The following PLAA variants were observed in gnomAD, a reference collection of about 807,000 sequenced individuals.
The protein encoded by PLAA is phospholipase A-2-activating protein.
Under a neutral mutation model 84.1 loss-of-function variants are expected in PLAA, and 48 were observed. The ratio of observed to expected loss-of-function variants is 0.57; its 90% CI spans 0.45 to 0.73. The LOEUF (loss-of-function observed/expected upper bound fraction) is 0.73. Ranked by LOEUF, PLAA falls within the 30% of genes least tolerant of loss-of-function variation. The probability of loss-of-function intolerance (pLI) is 0.00; values close to 1 mark genes in which losing one functional copy is unlikely to be tolerated. For synonymous variants in PLAA, 392 were observed against 336.6 expected (o/e 1.16, Z -1.80); for missense variants, 903 against 954.7 (o/e 0.95, Z 0.71).
At chr9:26,927,177 C>A (rs188437588) in intron 4 of PLAA, among the ~76,000 whole-genome samples, 89 of 144,346 alleles carry the variant, frequency 6.2e-4, no homozygotes, top group Non-Finnish European at 2.2e-4. Context: ...CTGGAGTGCA[C>A]TGGCACTACC....
In PLAA at chr9:26,914,014, C is replaced by A; in HGVS notation, c.1487-67G>T. ...AATTATAAAGTTCAAACTGCTCCTT[C>A]GCTTATTTCCAGTATTAAGCACACT... is the stretch of plus-strand genomic sequence containing the variant. On this transcript the variant is annotated intron_variant, in intron 10 of 13. Coordinates refer to ENST00000397292, the MANE Select transcript of PLAA (RefSeq NM_001031689.3). The A allele has an allele frequency of 6.3e-6, 7 of 1,105,680 alleles. No individual in the cohort carries two copies. In the South Asian group the frequency reaches 9.0e-5, roughly 14 times the overall value. 68.5% of individuals were successfully genotyped at this position (1,105,680 alleles called of 1,614,324 possible). A position where few individuals can be genotyped will look rare whatever the true frequency, so the allele number is the denominator to read the frequency against.
At chr9:26,911,568 G>A (rs948819038) in intron 11 of PLAA, among the ~76,000 whole-genome samples, 8 of 152,144 alleles carry the variant, frequency 5.3e-5, no homozygotes, top group East Asian at 1.9e-4. Context: ...GATTACAGGC[G>A]TGAGCCACCA....
chr9:26,915,923 G>A, intron 10 of PLAA: 1 of 985,396 alleles, frequency 1.0e-6, no homozygotes, highest in African/African-American at 1.7e-5. Flanking sequence ...CTGAACTGCT[G>A]ATAGAGAGAA....
intron 1 of PLAA, among the ~76,000 whole-genome samples, chr9:26,938,594 T>G (rs1013456845): frequency 6.7e-6 from 1 of 149,682 alleles, no homozygotes; most frequent in Non-Finnish European, 1.5e-5. Context: ...GGGAGTTTGC[T>G]GCCATGAGAC....
At chr9:26,946,481 AT>A (rs1206191956) in intron 1 of PLAA, among the ~76,000 whole-genome samples, 2 of 150,478 alleles carry the variant, frequency 1.3e-5, no homozygotes, top group African/African-American at 4.9e-5. Context: ...CAAAAATTAA[AT>A]TTTACAGAAG....
intron 8 of PLAA, 42 bp from the exon 9 acceptor site, chr9:26,919,571 G>T: frequency 2.0e-6 from 2 of 1,018,080 alleles, no homozygotes; most frequent in Non-Finnish European, 3.1e-6. Context: ...CTTATTATCT[G>T]TTCACATATA....
At chr9:26,943,943 GACCCTGTGTCAAAA>G (rs1278439675) in intron 1 of PLAA, among the ~76,000 whole-genome samples, 1 of 152,082 alleles carries the variant, frequency 6.6e-6, no homozygotes, top group Non-Finnish European at 1.5e-5. Context: ...AACAAAGCAA[GACCCTGTGTCAAAA>G]AAACAAAATC....
Position 26,905,856 on chromosome 9 carries a change from T to G in PLAA, c.2043A>C (p.Glu681Asp). Residue 681 changes from glutamate (E) to aspartate (D), a missense_variant, in exon 14 of 14, where the codon GAA (glutamate) becomes GAC (aspartate). By Grantham distance (45) the Glu-to-Asp change is conservative. Transcript: ENST00000397292. ...GTTCTATTGCATGGGACATCAGTGA[T>G]TCCCTCTGGGACATCATGAGTTTTT... ...AGQKLMMSQR[E>D]SLMSHAIELK... is the part of the protein sequence containing the mutation. 1 of 1,614,102 alleles carries G rather than the reference T, an allele frequency of 6.2e-7. No homozygotes were observed. The highest frequency in any genetic ancestry group is 8.5e-7 in the Non-Finnish European group (1 of 1,179,950).
intron 11 of PLAA, among the ~76,000 whole-genome samples, chr9:26,911,051 C>CT (rs967377948): frequency 0.01 from 1,492 of 148,506 alleles, 19 homozygotes; most frequent in African/African-American, 0.035. Flanking sequence ...CCTAGTCTTT[C>CT]TTTTTTTTTT....
Position 26,920,252 on chromosome 9 carries a change from G to A in PLAA, c.1172C>T (p.Ser391Phe). The change falls in exon 8 of 14, where the codon TCT becomes TTT. Residue 391 changes from serine to phenylalanine, a missense_variant. Physicochemically the swap from Ser to Phe is radical, Grantham distance 155. Transcript: ENST00000397292. ...TTTCCCTTCATATAAAACTTTTCCA[G>A]ATGTTTGCTGATTAGCACCAGATGA... is the stretch of plus-strand genomic sequence containing the variant. ...VGSSGANQQT[S>F]GKVLYEGKEF... 1.2e-6 allele frequency: 2 copies of A among 1,613,800 alleles called. No individual in the cohort carries two copies. The highest frequency in any genetic ancestry group is 1.7e-6 in the Non-Finnish European group (2 of 1,179,850).
In PLAA at chr9:26,935,233, A is replaced by G. The variant is rs763355480; in HGVS notation, c.150-27T>C. Reference sequence around the variant, plus strand: ...TGGAAAGACAAGATAATTAATAGATACATATTCGTACCCTGACTTAGCCTA... The same window carrying G: ...TGGAAAGACAAGATAATTAATAGATGCATATTCGTACCCTGACTTAGCCTA... On this transcript the variant is annotated intron_variant, in intron 1 of 13. Coordinates refer to ENST00000397292, the MANE Select transcript of PLAA (RefSeq NM_001031689.3). 1.2e-5 allele frequency: 17 copies of G among 1,426,062 alleles called. No homozygotes were observed. In the East Asian group the frequency reaches 4.2e-4, roughly 35 times the overall value. 88.3% of individuals were successfully genotyped at this position (1,426,062 alleles called of 1,614,324 possible).
At chr9:26,929,546 TA>T (rs1242015079) in intron 2 of PLAA, among the ~76,000 whole-genome samples, 1 of 152,160 alleles carries the variant, frequency 6.6e-6, no homozygotes, top group Non-Finnish European at 1.5e-5. Context: ...AGCACAGCCA[TA>T]AAGAACCTTG....
At chr9:26,926,687 T>G in intron 4 of PLAA, 127 bp from the exon 5 acceptor site, 1 of 671,966 alleles carries the variant, frequency 1.5e-6, no homozygotes, top group Admixed American at 3.5e-5. Context: ...AGAGAAATCT[T>G]TTTTTTTGTT....
At position 26,919,308 on chromosome 9, in the gene PLAA, AC is replaced by A; in HGVS notation, c.1417+1del. ...TAAGACTCAATATAAACACTAACTT[AC>A]CTGTAAATGGATCTGAAAAGCTGGG... On this transcript the variant is annotated splice_donor_variant, in intron 9 of 13. Transcript: ENST00000397292. LOFTEE classifies it high-confidence loss of function. The A allele has an allele frequency of 1.3e-6, 2 of 1,590,876 alleles. No homozygotes were observed. Among genetic ancestry groups the A allele is most frequent in the Non-Finnish European group, 8.6e-7 (1 of 1,163,030 alleles).
In PLAA at chr9:26,905,474, C is replaced by T. The variant is rs371172037; in HGVS notation, c.*37G>A. 7.1e-7 allele frequency: 1 copy of T among 1,404,646 alleles called. No individual in the cohort carries two copies. The highest frequency in any genetic ancestry group is 9.8e-7 in the Non-Finnish European group (1 of 1,019,462). 87.0% of individuals were successfully genotyped at this position (1,404,646 alleles called of 1,614,324 possible). ...CATGTCAAATGTGAGGAAAAAAACA[C>T]TAATCAATTAAAAATATCCGTCCCT... On this transcript the variant is annotated 3_prime_UTR_variant, in exon 14 of 14. Transcript: ENST00000397292.
intron 4 of PLAA, among the ~76,000 whole-genome samples, chr9:26,927,245 C>G (rs990449390): frequency 6.6e-6 from 1 of 151,538 alleles, no homozygotes; most frequent in Non-Finnish European, 1.5e-5. Flanking sequence ...CTCAGCCTCC[C>G]GAATAGCTGG....
chr9:26,925,481 A>G (rs1452109537), intron 6 of PLAA, among the ~76,000 whole-genome samples: 1 of 152,154 alleles, frequency 6.6e-6, no homozygotes, highest in African/African-American at 2.4e-5. Context: ...TCTCACTCAT[A>G]ATCTTTCAAA....
At chr9:26,908,861 A>G (rs994671173) in intron 12 of PLAA, among the ~76,000 whole-genome samples, 1 of 152,240 alleles carries the variant, frequency 6.6e-6, no homozygotes, top group Non-Finnish European at 1.5e-5. Context: ...GAGAAAATTT[A>G]TAACAACTTT....
intron 12 of PLAA, among the ~76,000 whole-genome samples, 180 bp from the exon 13 acceptor site, chr9:26,908,178 T>C (rs1408025537): frequency 6.6e-6 from 1 of 151,150 alleles, no homozygotes; most frequent in Non-Finnish European, 1.5e-5. Flanking sequence ...TTTTTTTTTT[T>C]TTTTTTTGAG....
Sources: allele counts gnomAD v4.1 joint callset (sites outside exome capture counted in the v4.1 genomes callset), GRCh38; gene constraint gnomAD v4.1.1; transcripts MANE v1.5; gene names NCBI Gene and HGNC (gene_info 2026-07-23, HGNC 2026-07-21).